The following ZSCAN25 variants were observed in gnomAD, a reference collection of about 807,000 sequenced individuals.
ZSCAN25 encodes the protein zinc finger and SCAN domain containing 25, also known as zinc finger and SCAN domain-containing protein 25.
ZSCAN25 carries 27 observed loss-of-function variants against 38.7 expected under a neutral mutation model. That is an observed-to-expected ratio of 0.70 (90% CI 0.51 to 0.96). The LOEUF is 0.96. ZSCAN25 is among the 40% of genes least tolerant of loss of function. The pLI is 0.00. For missense variants in ZSCAN25, 637 were observed against 705.9 expected (o/e 0.90, Z 1.11); for synonymous variants, 273 against 277.7 (o/e 0.98, Z 0.17).
the ZSCAN25 span, among the ~76,000 whole-genome samples, chr7:99,655,560 G>A: frequency 1.1e-4 from 16 of 152,254 alleles, no homozygotes; most frequent in South Asian, 1.5e-3. Context: ...TTGGCAATGC[G>A]GGCTCTTTTT....
At chr7:99,713,262 G>A in the ZSCAN25 span, among the ~76,000 whole-genome samples, 1 of 152,250 alleles carries the variant, frequency 6.6e-6, no homozygotes, top group South Asian at 2.1e-4. Flanking sequence ...GTTTTCCTTA[G>A]GGTTGCCCTT....
chr7:99,730,610 C>T, the ZSCAN25 span: 1 of 180,690 alleles, frequency 5.5e-6, no homozygotes, highest in Non-Finnish European at 1.2e-5. Context: ...CCAAGCTGTG[C>T]AGGAGGAAGG....
the ZSCAN25 span, among the ~76,000 whole-genome samples, chr7:99,669,638 T>C: frequency 2.6e-5 from 4 of 152,178 alleles, no homozygotes; most frequent in Non-Finnish European, 5.9e-5. Context: ...TTTTATGCTT[T>C]GGTGATGGAT....
the ZSCAN25 span, chr7:99,722,414 G>A: frequency 1.7e-5 from 27 of 1,584,442 alleles, no homozygotes; most frequent in East Asian, 6.3e-4. Context: ...CCTCTAATTG[G>A]GGTTGAAAAC....
At chr7:99,684,647 T>G in the ZSCAN25 span, among the ~76,000 whole-genome samples, 1 of 152,198 alleles carries the variant, frequency 6.6e-6, no homozygotes, top group Non-Finnish European at 1.5e-5. Flanking sequence ...TCTATAGATT[T>G]CTCCTTAATG....
chr7:99,617,772 G>A (rs1008199984), intron 1 of ZSCAN25, among the ~76,000 whole-genome samples: 13 of 152,160 alleles, frequency 8.5e-5, no homozygotes, highest in Non-Finnish European at 1.9e-4. Flanking sequence ...CAATGGGTGG[G>A]GGGAGATAAA....
the ZSCAN25 span, among the ~76,000 whole-genome samples, chr7:99,727,172 C>T: frequency 3.9e-5 from 6 of 152,158 alleles, no homozygotes; most frequent in Non-Finnish European, 7.4e-5. Flanking sequence ...TACACACAGC[C>T]AAAGTGCAGG....
the ZSCAN25 span, among the ~76,000 whole-genome samples, chr7:99,697,789 G>T: frequency 1.3e-5 from 2 of 152,218 alleles, no homozygotes; most frequent in African/African-American, 4.8e-5. Context: ...CCTTGCCCCA[G>T]AATAGTTAGT....
the ZSCAN25 span, among the ~76,000 whole-genome samples, chr7:99,703,848 T>G: frequency 4.0e-5 from 6 of 151,856 alleles, no homozygotes; most frequent in Non-Finnish European, 1.5e-5. Context: ...ATGAACCCCT[T>G]CTCTGCTTGC....
the ZSCAN25 span, among the ~76,000 whole-genome samples, chr7:99,684,513 C>A: frequency 1.3e-5 from 2 of 152,232 alleles, no homozygotes; most frequent in African/African-American, 4.8e-5. Flanking sequence ...AAGCAATGGG[C>A]AAAGTCACAG....
At chr7:99,661,463 T>C in the ZSCAN25 span, among the ~76,000 whole-genome samples, 1 of 152,196 alleles carries the variant, frequency 6.6e-6, no homozygotes, top group Non-Finnish European at 1.5e-5. Flanking sequence ...AGAAGCATGG[T>C]GATTGACTGT....
chr7:99,723,549 G>T, the ZSCAN25 span, among the ~76,000 whole-genome samples: 5 of 152,090 alleles, frequency 3.3e-5, no homozygotes, highest in Non-Finnish European at 7.4e-5. Flanking sequence ...ACTGTTTGGT[G>T]GTCTCTTCAC....
Position 99,619,981 on chromosome 7 carries a change from G to A in ZSCAN25, c.375G>A (p.Leu125=). 6.2e-7 allele frequency: 1 copy of A among 1,612,920 alleles called. No individual in the cohort carries two copies. The highest frequency in any genetic ancestry group is 8.5e-7 in the Non-Finnish European group (1 of 1,179,844). Residue 125 remains leucine, a synonymous_variant, in exon 4 of 8, where the codon CTG becomes CTA. Coordinates refer to ENST00000394152, the MANE Select transcript of ZSCAN25 (RefSeq NM_145115.3). Reference sequence around the variant, plus strand: ...TGGAGGACCTGACAGAAAGAGCACTGGAGGCCAAGGCGGTGGGTGAGGAGG... The same window carrying A: ...TGGAGGACCTGACAGAAAGAGCACTAGAGGCCAAGGCGGTGGGTGAGGAGG... ...AMVEDLTERA[L]EAKAVPCHRQ... is the part of the protein sequence containing the mutation.
At position 99,621,488 on chromosome 7, in the gene ZSCAN25, G is replaced by C. The variant is rs749364084; in HGVS notation, c.503G>C (p.Gly168Ala). ...EVKPEWGMPP[G>A]EGVQGPDPGT... ...AAGCCTGAATGGGGGATGCCCCCTG[G>C]GGAAGGAGTTCAAGGTCCAGACCCA... is the stretch of plus-strand genomic sequence containing the variant. Residue 168 changes from glycine (G) to alanine (A), a missense_variant, in exon 5 of 8, where the codon GGG becomes GCG. Transcript: ENST00000394152. 57 of 1,582,054 alleles carry C rather than the reference G, an allele frequency of 3.6e-5. No homozygotes were observed. Among genetic ancestry groups the C allele is most frequent in the South Asian group, 2.1e-4 (18 of 87,200 alleles).
chr7:99,731,012 C>A, the ZSCAN25 span: 1 of 1,607,808 alleles, frequency 6.2e-7, no homozygotes, highest in Non-Finnish European at 8.5e-7. Flanking sequence ...AACTAAGTTG[C>A]TCTTTGCAAT....
intron 7 of ZSCAN25, among the ~76,000 whole-genome samples, chr7:99,627,192 C>T (rs189457616): frequency 7.7e-4 from 118 of 152,274 alleles, no homozygotes; most frequent in African/African-American, 2.7e-3. Flanking sequence ...TTTGTAAATA[C>T]TTCAGCATTT....
chr7:99,657,912 CT>C, the ZSCAN25 span, among the ~76,000 whole-genome samples: 1 of 152,032 alleles, frequency 6.6e-6, no homozygotes, highest in Non-Finnish European at 1.5e-5. Flanking sequence ...CAACCCCTGC[CT>C]TTTTTTGTTG....
chr7:99,617,304 G>A (rs1806550748), intron 1 of ZSCAN25, among the ~76,000 whole-genome samples: 1 of 152,236 alleles, frequency 6.6e-6, no homozygotes, highest in South Asian at 2.1e-4. Context: ...CCACGAACCC[G>A]AAGAGATCTT....
At chr7:99,638,198 T>A in the ZSCAN25 span, 23 of 1,446,086 alleles carry the variant, frequency 1.6e-5, no homozygotes, top group Non-Finnish European at 2.0e-5. Flanking sequence ...GTGAATGGGT[T>A]TTTGATTTCT....
Sources: gnomAD v4.1 joint callset for allele counts (sites outside exome capture counted in the v4.1 genomes callset) on GRCh38, gnomAD v4.1.1 for gene constraint, MANE v1.5 for transcripts, NCBI Gene and HGNC (gene_info 2026-07-23, HGNC 2026-07-21) for gene names.